The following NUP58 variants were observed in gnomAD, a reference collection of about 807,000 sequenced individuals.
NUP58 encodes nucleoporin p58/p45.
Under a neutral mutation model 70.1 loss-of-function variants are expected in NUP58, and 17 were observed. That is an observed-to-expected ratio of 0.24 (90% CI 0.17 to 0.36). The LOEUF (loss-of-function observed/expected upper bound fraction) is 0.36, where lower values mean the gene tolerates loss of function less well. Ranked by LOEUF, NUP58 falls within the 10% of genes least tolerant of loss-of-function variation. The pLI is 1.00. For missense variants in NUP58, 644 were observed against 701.5 expected (o/e 0.92, Z 0.93); for synonymous variants, 275 against 257.6 (o/e 1.07, Z -0.65).
At chr13:25,314,443 C>A (rs938348788) in intron 5 of NUP58, among the ~76,000 whole-genome samples, 4 of 151,974 alleles carry the variant, frequency 2.6e-5, no homozygotes, top group Admixed American at 6.6e-5. Context: ...CACCTGTAAT[C>A]CCAGCACTTT....
At chr13:25,331,633 A>G in intron 13 of NUP58, 75 bp downstream of exon 13, 1 of 1,538,460 alleles carries the variant, frequency 6.5e-7, no homozygotes, top group South Asian at 1.2e-5. Flanking sequence ...TAAGTCTTCC[A>G]TTTGTGTGAG....
chr13:25,318,506 T>C (rs1301362783), intron 6 of NUP58, among the ~76,000 whole-genome samples: 4 of 152,254 alleles, frequency 2.6e-5, no homozygotes, highest in East Asian at 1.9e-4. Context: ...GAAATACATA[T>C]TAAATTATGT....
At chr13:25,344,770 T>C (rs75794599), downstream of NUP58, among the ~76,000 whole-genome samples, 1,091 of 152,324 alleles carry the variant, frequency 7.2e-3, 11 homozygotes, top group African/African-American at 0.025. Flanking sequence ...CCATCTTGAT[T>C]TGAATTGAGT....
At chr13:25,338,762 A>C in intron 15 of NUP58, 31 bp downstream of exon 15, 1 of 1,518,996 alleles carries the variant, frequency 6.6e-7, no homozygotes, top group Non-Finnish European at 9.1e-7. Flanking sequence ...ATTTCAGGCA[A>C]ATTTAAAGGT....
In NUP58 at chr13:25,308,011, C is replaced by T. The variant is rs1006375109; in HGVS notation, c.250+63C>T. On this transcript the variant is annotated intron_variant, in intron 2 of 15. Transcript: ENST00000381736. ...TGGGATATTCTTTCCTAAATTGTGT[C>T]CTGTATCTCTCTTTACAAGGATCAT... 14 of 1,572,720 alleles carry T rather than the reference C, an allele frequency of 8.9e-6. No individual in the cohort carries two copies. In the African/African-American group the frequency reaches 1.4e-4, roughly 15 times the overall value.
intron 2 of NUP58, 44 bp from the exon 3 acceptor site, chr13:25,309,203 C>G: frequency 6.9e-7 from 1 of 1,441,734 alleles, no homozygotes; most frequent in Admixed American, 1.7e-5. Flanking sequence ...TAAAGAATGT[C>G]ATCTTCATTG....
At chr13:25,313,473 GTA>G (rs1428805278) in intron 4 of NUP58, 139 bp from the exon 5 acceptor site, 8 of 711,756 alleles carry the variant, frequency 1.1e-5, no homozygotes, top group Non-Finnish European at 1.7e-5. Context: ...TTATTCTTAA[GTA>G]TGTAATTTTT....
chr13:25,302,019 C>T (rs2030036216), intron 1 of NUP58, 139 bp downstream of exon 1: 2 of 629,078 alleles, frequency 3.2e-6, no homozygotes, highest in Middle Eastern at 2.6e-4. Context: ...AATCTAGCCG[C>T]CCGGCGTCGT....
intron 6 of NUP58, among the ~76,000 whole-genome samples, chr13:25,317,333 G>T (rs2030978899): frequency 6.6e-6 from 1 of 152,120 alleles, no homozygotes; most frequent in Non-Finnish European, 1.5e-5. Flanking sequence ...CTATTAAAGG[G>T]ATTTGATGAG....
chr13:25,339,566 C>T (rs2031892862), intron 15 of NUP58, among the ~76,000 whole-genome samples: 1 of 152,116 alleles, frequency 6.6e-6, no homozygotes, highest in African/African-American at 2.4e-5. Context: ...TGAAGCTTTC[C>T]TGGAGGACTT....
intron 4 of NUP58, 52 bp downstream of exon 4, chr13:25,313,084 C>T (rs377182570): frequency 1.6e-5 from 26 of 1,580,428 alleles, no homozygotes; most frequent in Non-Finnish European, 2.2e-5. Context: ...TCAATTTTAT[C>T]TGGTTAGAGA....
chr13:25,333,313 G>C, intron 13 of NUP58: 1 of 985,382 alleles, frequency 1.0e-6, no homozygotes, highest in Middle Eastern at 5.2e-4. Flanking sequence ...TTTGCCCTCT[G>C]TGGTGGTTGA....
rs373360958 is a variant in NUP58, at chr13:25,336,977, G to A, written c.1477G>A (p.Gly493Ser). ...GGGAGTTAGTTTTGGAACGCCATTC[G>A]GCTCAGGTATTGGCACTGGCTTGCA... ...SLGVSFGTPFGSGIGTGLQSS... is the reference protein window; with the variant it reads ...SLGVSFGTPFSSGIGTGLQSS... Residue 493 changes from glycine (G) to serine (S), a missense_variant, in exon 14 of 16, where the codon GGC becomes AGC. This residue lies in a region of NUP58 where 132 missense variants were observed against 203.9 expected (regional missense o/e 0.65). Transcript: ENST00000381736. 9 of 1,606,596 alleles carry A rather than the reference G, an allele frequency of 5.6e-6. No homozygotes were observed. The highest frequency in any genetic ancestry group is 6.8e-6 in the Non-Finnish European group (8 of 1,177,980).
Position 25,301,708 on chromosome 13 carries a change from C to A in NUP58, c.-66C>A. On this transcript the variant is annotated 5_prime_UTR_variant, in exon 1 of 16. Transcript: ENST00000381736. The stretch of plus-strand genomic sequence containing the variant: ...AGAGATGCTGCCCGGCCCGCCTCGG[C>A]TTTGAGGCGAGAGAAGTGTCCCAGA... The A allele has an allele frequency of 2.2e-6, 2 of 897,050 alleles. No individual in the cohort carries two copies. Among genetic ancestry groups the A allele is most frequent in the Non-Finnish European group, 3.2e-6 (2 of 617,038 alleles). The allele number at this position is 897,050 out of a possible 1,614,324, so 55.6% of individuals were successfully genotyped here.
chr13:25,330,451 A>G (rs986034120), intron 12 of NUP58, among the ~76,000 whole-genome samples: 2 of 152,186 alleles, frequency 1.3e-5, no homozygotes, highest in African/African-American at 2.4e-5. Context: ...CAACAGTAAG[A>G]TTTTTAAGTG....
chr13:25,309,286 A>G lies in NUP58; in HGVS notation c.286+4A>G, dbSNP rs1243370031. ...ATAACTACAGGATTAACTCTGGGTA[A>G]GAATTTTTGAGGAAAGATCCCAGCT... is the stretch of plus-strand genomic sequence containing the variant. On this transcript the variant is annotated splice_donor_region_variant and intron_variant, in intron 3 of 15. Coordinates refer to ENST00000381736, the MANE Select transcript of NUP58 (RefSeq NM_014089.4). 6.2e-7 allele frequency: 1 copy of G among 1,602,122 alleles called. No homozygotes were observed. The highest frequency in any genetic ancestry group is 8.5e-7 in the Non-Finnish European group (1 of 1,170,386).
At chr13:25,332,524 A>T (rs2031644720) in intron 13 of NUP58, 1 of 931,636 alleles carries the variant, frequency 1.1e-6, no homozygotes, top group South Asian at 5.1e-5. Flanking sequence ...CCAGTAGTAC[A>T]TTATAATACA....
Position 25,327,293 on chromosome 13 carries a change from C to T in NUP58, c.1151-137C>T, listed in dbSNP as rs542257709. 1.5e-5 allele frequency: 9 copies of T among 588,840 alleles called. No individual in the cohort carries two copies. The East Asian group carries it at 2.6e-4, about 17-fold the overall frequency. 36.5% of individuals were successfully genotyped at this position (588,840 alleles called of 1,614,324 possible). A position where few individuals can be genotyped will look rare whatever the true frequency, so the allele number is the denominator to read the frequency against. Reference sequence around the variant, plus strand: ...TTCAGTCTGCTACTCTGTGTGTTCTCTGGCCATGAGAACGTTGATAGAGTT... The same window carrying T: ...TTCAGTCTGCTACTCTGTGTGTTCTTTGGCCATGAGAACGTTGATAGAGTT... On this transcript the variant is annotated intron_variant, in intron 11 of 15. Transcript: ENST00000381736.
chr13:25,301,672 T>TGCCGGGCGAGAGAGATGCTGCCCG lies in NUP58; in HGVS notation c.-98_-75dup. 1 of 584,664 alleles carries TGCCGGGCGAGAGAGATGCTGCCCG rather than the reference T, an allele frequency of 1.7e-6. No homozygotes were observed. The allele number at this position is 584,664 out of a possible 1,614,324, so 36.2% of individuals were successfully genotyped here. On this transcript the variant is annotated 5_prime_UTR_variant, in exon 1 of 16. The change creates a new upstream start codon in the 5' untranslated region. Transcript: ENST00000381736. ...GGGCTGGAAGTTCCCGCCAGGTCCG[T>TGCCGGGCGAGAGAGATGCTGCCCG]GCCGGGCGAGAGAGATGCTGCCCGG... is the stretch of plus-strand genomic sequence containing the variant.
Sources: gnomAD v4.1 joint callset for allele counts (sites outside exome capture counted in the v4.1 genomes callset) on GRCh38, gnomAD v4.1.1 for gene constraint, gnomAD v4.1.1 regional missense constraint, MANE v1.5 for transcripts, NCBI Gene and HGNC (gene_info 2026-07-23, HGNC 2026-07-21) for gene names.